The following PTPRD variants were observed in gnomAD, a reference collection of about 807,000 sequenced individuals.
PTPRD encodes the protein receptor-type tyrosine-protein phosphatase delta.
PTPRD carries 34 observed loss-of-function variants against 214.5 expected under a neutral mutation model. The observed-to-expected ratio is 0.16, with a 90% CI of 0.12 to 0.21. The LOEUF is 0.21. Among genes scored for constraint, PTPRD ranks in the 10% least tolerant of loss-of-function variants. PTPRD has a pLI of 1.00. For missense variants in PTPRD, 2,545 were observed against 2,398.7 expected, an observed-to-expected ratio of 1.06 and a Z score of -1.27; for synonymous variants, 1,128 against 845.7, an observed-to-expected ratio of 1.33 and a Z score of -5.79.
intron 4 of PTPRD, among the ~76,000 whole-genome samples, chr9:10,015,351 A>C (rs117047097): frequency 1.8e-3 from 280 of 152,276 alleles, no homozygotes; most frequent in Middle Eastern, 6.8e-3. Context: ...GTAGTTAAGA[A>C]AATCATGGCA....
chr9:9,102,600 C>A (rs1282146041), intron 10 of PTPRD, among the ~76,000 whole-genome samples: 1 of 152,222 alleles, frequency 6.6e-6, no homozygotes, highest in Non-Finnish European at 1.5e-5. Flanking sequence ...GATTCGCTTT[C>A]CCACCAGGGT....
intron 39 of PTPRD, among the ~76,000 whole-genome samples, chr9:8,354,987 T>C (rs2076600941): frequency 6.6e-6 from 1 of 152,198 alleles, no homozygotes; most frequent in Non-Finnish European, 1.5e-5. Context: ...AATAGGTCTT[T>C]GTGAACCTGG....
chr9:8,710,989 CCA>C (rs2098322486), intron 12 of PTPRD, among the ~76,000 whole-genome samples: 1 of 152,008 alleles, frequency 6.6e-6, no homozygotes, highest in African/African-American at 2.4e-5. Flanking sequence ...AATTTAAACT[CCA>C]TGTGTTCTTA....
chr9:9,994,757 A>G (rs917539693), intron 4 of PTPRD, among the ~76,000 whole-genome samples: 9 of 152,288 alleles, frequency 5.9e-5, no homozygotes, highest in Admixed American at 2.6e-4. Context: ...AATATTTATC[A>G]ATTGTATTAC....
intron 12 of PTPRD, among the ~76,000 whole-genome samples, chr9:8,670,065 C>G (rs79115855): frequency 2.0e-3 from 305 of 150,794 alleles, no homozygotes; most frequent in African/African-American, 7.0e-3. Context: ...AGTAAATTAT[C>G]AAAAATCACT....
At chr9:9,947,313 A>ATG (rs2092706592) in intron 4 of PTPRD, among the ~76,000 whole-genome samples, 2 of 74,570 alleles carry the variant, frequency 2.7e-5, no homozygotes, top group South Asian at 3.5e-4. Context: ...TTTTATATAT[A>ATG]TATTATATAT....
intron 10 of PTPRD, among the ~76,000 whole-genome samples, chr9:9,074,078 A>C (rs993131625): frequency 6.6e-6 from 1 of 152,032 alleles, no homozygotes; most frequent in African/African-American, 2.4e-5. Flanking sequence ...TATCCTTAAA[A>C]TAATCCCACA....
At chr9:10,555,331 C>A (rs914141662) in intron 2 of PTPRD, among the ~76,000 whole-genome samples, 1 of 152,084 alleles carries the variant, frequency 6.6e-6, no homozygotes, top group African/African-American at 2.4e-5. Context: ...AAATAAAATT[C>A]GCAAAACGTT....
At chr9:9,098,670 C>A (rs1306919725) in intron 10 of PTPRD, among the ~76,000 whole-genome samples, 1 of 151,814 alleles carries the variant, frequency 6.6e-6, no homozygotes, top group Non-Finnish European at 1.5e-5. Flanking sequence ...TATCATGTAC[C>A]CATCGACTTA....
At chr9:10,032,888 T>C (rs571991114) in intron 4 of PTPRD, among the ~76,000 whole-genome samples, 1 of 152,006 alleles carries the variant, frequency 6.6e-6, no homozygotes, top group Non-Finnish European at 1.5e-5. Flanking sequence ...TAAATTTGCA[T>C]GATTTTATAG....
At chr9:10,332,811 C>G (rs1308421418) in intron 3 of PTPRD, among the ~76,000 whole-genome samples, 7 of 151,820 alleles carry the variant, frequency 4.6e-5, no homozygotes, top group Non-Finnish European at 1.0e-4. Flanking sequence ...ATGAGCCTCT[C>G]AGGACAGTTT....
intron 7 of PTPRD, among the ~76,000 whole-genome samples, chr9:9,619,225 G>A (rs1391783018): frequency 1.3e-5 from 2 of 151,864 alleles, no homozygotes; most frequent in Non-Finnish European, 2.9e-5. Context: ...GTCAAGGAGG[G>A]TTTTATGGTT....
At chr9:9,443,360 C>A (rs925897112) in intron 8 of PTPRD, among the ~76,000 whole-genome samples, 2 of 152,184 alleles carry the variant, frequency 1.3e-5, no homozygotes, top group African/African-American at 4.8e-5. Context: ...AGAAACTAAA[C>A]AGAAACTACT....
chr9:9,926,030 T>C (rs1228984000), intron 5 of PTPRD, among the ~76,000 whole-genome samples: 1 of 152,028 alleles, frequency 6.6e-6, no homozygotes, highest in Non-Finnish European at 1.5e-5. Flanking sequence ...GGGGTCTTTC[T>C]ATGTTGCCCA....
chr9:9,904,877 C>G (rs377706667), intron 5 of PTPRD, among the ~76,000 whole-genome samples: 2 of 151,980 alleles, frequency 1.3e-5, no homozygotes, highest in African/African-American at 4.8e-5. Context: ...GGTGAAATAA[C>G]GAAGTGGGGA....
intron 7 of PTPRD, among the ~76,000 whole-genome samples, chr9:9,602,363 T>A (rs1008276886): frequency 2.0e-5 from 3 of 152,010 alleles, no homozygotes; most frequent in Non-Finnish European, 4.4e-5. Flanking sequence ...CTCTAATATA[T>A]TTAATTTATA....
chr9:10,376,022 C>T (rs550518192), intron 2 of PTPRD, among the ~76,000 whole-genome samples: 5 of 152,012 alleles, frequency 3.3e-5, no homozygotes, highest in East Asian at 1.9e-4. Flanking sequence ...CTTATTCACA[C>T]GATATTTTTA....
intron 34 of PTPRD, among the ~76,000 whole-genome samples, chr9:8,448,219 T>C (rs115380070): frequency 0.01 from 1,540 of 152,140 alleles, 29 homozygotes; most frequent in African/African-American, 0.035. Flanking sequence ...TCCCAGCTAC[T>C]TGGGAAGCTG....
chr9:9,936,961 A>T (rs2089704908), intron 5 of PTPRD, among the ~76,000 whole-genome samples: 1 of 151,026 alleles, frequency 6.6e-6, no homozygotes, highest in Non-Finnish European at 1.5e-5. Context: ...CATTCTCAGT[A>T]AACTATCACA....
Sources: gnomAD v4.1 joint callset for allele counts (sites outside exome capture counted in the v4.1 genomes callset) on GRCh38, gnomAD v4.1.1 for gene constraint, MANE v1.5 for transcripts, NCBI Gene and HGNC (gene_info 2026-07-23, HGNC 2026-07-21) for gene names.